GALNT6: variants seen among roughly 807,000 people sequenced by gnomAD.
GALNT6 encodes GalNAc transferase 6.
A neutral mutation model predicts 65.9 loss-of-function variants in GALNT6; 51 were observed. The ratio of observed to expected loss-of-function variants is 0.77; its 90% CI spans 0.62 to 0.98. GALNT6 has a LOEUF of 0.98. Among genes scored for constraint, GALNT6 ranks in the 50% least tolerant of loss-of-function variants. GALNT6 has a pLI of 0.00. For missense variants in GALNT6, 708 were observed against 803.3 expected (o/e 0.88, Z 1.43); for synonymous variants, 323 against 315.1 (o/e 1.02, Z -0.26).
intron 4 of GALNT6, among the ~76,000 whole-genome samples, chr12:51,373,353 A>G (rs1325455947): frequency 6.6e-6 from 1 of 152,206 alleles, no homozygotes; most frequent in Non-Finnish European, 1.5e-5. Flanking sequence ...AGTTTCCACC[A>G]TGCTATCCTT....
rs12316391 is a variant in GALNT6 at position 51,388,286 on chromosome 12, G to T, written c.-104+2564C>A. ...GCTGCCTGCCAGCCTCCTTTGCCTC[G>T]GGCCCCTCTCTCTCTTTCACAATCA... is the stretch of plus-strand genomic sequence containing the variant. On this transcript the variant is annotated intron_variant, in intron 2 of 11. Transcript: ENST00000356317. Among the ~76,000 whole-genome samples the T allele has an allele frequency of 6.6e-5, 10 of 152,076 alleles. No homozygotes were observed. The South Asian group carries it at 1.2e-3, about 19-fold the overall frequency.
intron 4 of GALNT6, among the ~76,000 whole-genome samples, chr12:51,369,321 G>A (rs1592331536): frequency 6.6e-6 from 1 of 152,164 alleles, no homozygotes; most frequent in South Asian, 2.1e-4. Context: ...GCCCTTCTGG[G>A]GAGACAACTC....
chr12:51,376,543 G>A (rs58571661), intron 4 of GALNT6, among the ~76,000 whole-genome samples: 3,806 of 148,850 alleles, frequency 0.026, 165 homozygotes, highest in African/African-American at 0.09. Flanking sequence ...TGAGGCAGGA[G>A]AATCGCTTGA....
chr12:51,375,750 G>T (rs1193927136), intron 4 of GALNT6, among the ~76,000 whole-genome samples: 1 of 151,898 alleles, frequency 6.6e-6, no homozygotes, highest in Non-Finnish European at 1.5e-5. Context: ...TAGATACGGG[G>T]TTTCACCATA....
intron 5 of GALNT6, among the ~76,000 whole-genome samples, chr12:51,364,728 C>T (rs7970638): frequency 0.21 from 32,169 of 152,210 alleles, 3,710 homozygotes; most frequent in East Asian, 0.47. Context: ...CAGGGGCATC[C>T]GCATGTCAAG....
chr12:51,389,724 C>G (rs549827137), intron 2 of GALNT6, among the ~76,000 whole-genome samples: 1 of 152,166 alleles, frequency 6.6e-6, no homozygotes, highest in Non-Finnish European at 1.5e-5. Context: ...GAGGTCTGTT[C>G]GAGGCAATGG....
intron 4 of GALNT6, among the ~76,000 whole-genome samples, chr12:51,371,054 A>AATTTATTATT (rs1555178908): frequency 0.042 from 6,054 of 144,430 alleles, 168 homozygotes; most frequent in East Asian, 0.054. Flanking sequence ...CCTTTTAAAA[A>AATTTATTATT]ATTATTATTA....
At chr12:51,386,538 T>C (rs1473728965) in intron 2 of GALNT6, among the ~76,000 whole-genome samples, 1 of 152,206 alleles carries the variant, frequency 6.6e-6, no homozygotes, top group Non-Finnish European at 1.5e-5. Flanking sequence ...TGTTTCTTTC[T>C]ATTTATCAGG....
chr12:51,379,146 G>T, intron 3 of GALNT6, 145 bp downstream of exon 3: 1 of 790,084 alleles, frequency 1.3e-6, no homozygotes, highest in Non-Finnish European at 1.9e-6. Context: ...TTCTGGGAAA[G>T]AAGTGAGGCA....
In GALNT6 at chr12:51,357,277, A is replaced by G. The variant is rs987523257; in HGVS notation, c.1602+72T>C. The G allele has an allele frequency of 2.4e-5, 23 of 976,130 alleles. No homozygotes were observed. The Admixed American group carries it at 4.0e-4, about 17-fold the overall frequency. The allele number at this position is 976,130 out of a possible 1,614,324, so 60.5% of individuals were successfully genotyped here. A position where few individuals can be genotyped will look rare whatever the true frequency, so the allele number is the denominator to read the frequency against. On this transcript the variant is annotated intron_variant, in intron 10 of 11. Coordinates refer to ENST00000356317, the MANE Select transcript of GALNT6 (RefSeq NM_007210.4). Reference sequence around the variant, plus strand: ...ATCTCCTCCCTCCCAGTCCTCAGGAAAGGACTCTTTAGGGTAGAGAAAAGG... The same window carrying G: ...ATCTCCTCCCTCCCAGTCCTCAGGAGAGGACTCTTTAGGGTAGAGAAAAGG...
chr12:51,366,365 G>A (rs372712363), intron 4 of GALNT6, among the ~76,000 whole-genome samples: 5 of 152,202 alleles, frequency 3.3e-5, no homozygotes, highest in Non-Finnish European at 7.3e-5. Flanking sequence ...GGCTCTTCAC[G>A]GTAACGTCGA....
rs923094612 is a variant in GALNT6, at chr12:51,351,928, T to G, written c.*2451A>C. ...CACTGAGACCTCTCATCCAATTCTCTTCTTTCCGGGAACTTTTTCCCTTCC... is the reference window on the plus strand; with the variant it reads ...CACTGAGACCTCTCATCCAATTCTCGTCTTTCCGGGAACTTTTTCCCTTCC... On this transcript the variant is annotated 3_prime_UTR_variant, in exon 12 of 12. Coordinates refer to ENST00000356317, the MANE Select transcript of GALNT6 (RefSeq NM_007210.4). 6.6e-6 allele frequency: 1 copy of G among 152,200 alleles called. No individual in the cohort carries two copies. The highest frequency in any genetic ancestry group is 1.9e-4 in the East Asian group (1 of 5,182). 9.4% of individuals were successfully genotyped at this position (152,200 alleles called of 1,614,324 possible).
In GALNT6 at chr12:51,353,471, G is replaced by C. The variant is rs1946663974; in HGVS notation, c.*908C>G. On this transcript the variant is annotated 3_prime_UTR_variant, in exon 12 of 12. Transcript: ENST00000356317. ...TGCAACCTCTGCCTCCTGGGTTCGA[G>C]TGATTCTCCTGCCTCAGCCTCCCAA... is the stretch of plus-strand genomic sequence containing the variant. 6.6e-6 allele frequency: 1 copy of C among 151,672 alleles called. No individual in the cohort carries two copies. The highest frequency in any genetic ancestry group is 6.6e-5 in the Admixed American group (1 of 15,180). 9.4% of individuals were successfully genotyped at this position (151,672 alleles called of 1,614,324 possible).
chr12:51,389,394 T>G (rs754911443), intron 2 of GALNT6, among the ~76,000 whole-genome samples: 5 of 151,910 alleles, frequency 3.3e-5, no homozygotes, highest in Non-Finnish European at 7.4e-5. Flanking sequence ...CACAGGGAGG[T>G]CAAGTAACTT....
intron 10 of GALNT6, 150 bp downstream of exon 10, chr12:51,357,199 G>C (rs1946774026): frequency 1.7e-6 from 1 of 597,146 alleles, no homozygotes; most frequent in South Asian, 2.0e-5. Flanking sequence ...TTCAGACCTT[G>C]TGTGTGTTAT....
chr12:51,376,356 G>A (rs1024725330), intron 4 of GALNT6, among the ~76,000 whole-genome samples: 1 of 151,954 alleles, frequency 6.6e-6, no homozygotes, highest in Non-Finnish European at 1.5e-5. Flanking sequence ...GCTTCTGGCC[G>A]GGCACGGTGG....
chr12:51,383,708 C>A (rs1947742942), intron 2 of GALNT6: 1 of 152,212 alleles, frequency 6.6e-6, no homozygotes, highest in South Asian at 2.1e-4. Context: ...ACATCCTGAA[C>A]CGAAATGAGA....
rs1189126373 is a variant in GALNT6, at chr12:51,360,754, G to T, written c.1134C>A (p.Ile378=). 6.2e-7 allele frequency: 1 copy of T among 1,612,294 alleles called. No homozygotes were observed. Among genetic ancestry groups the T allele is most frequent in the Non-Finnish European group, 8.5e-7 (1 of 1,178,496 alleles). ...HIGTYDNQME[I]WGGENVEMSF... ...ACATTTCCACGTTCTCCCCTCCCCA[G>T]ATCTCCATCTGATTATCATAGGTAC... The change falls in exon 7 of 12, where the codon ATC becomes ATA. Residue 378 remains isoleucine (I), a synonymous_variant. Coordinates refer to ENST00000356317, the MANE Select transcript of GALNT6 (RefSeq NM_007210.4).
intron 2 of GALNT6, among the ~76,000 whole-genome samples, chr12:51,383,905 G>A (rs1160541140): frequency 1.3e-5 from 2 of 152,062 alleles, no homozygotes; most frequent in African/African-American, 4.8e-5. Flanking sequence ...GGTCGTGGAG[G>A]TCGCCCCTCC....
Sources: allele counts gnomAD v4.1 joint callset (sites outside exome capture counted in the v4.1 genomes callset), GRCh38; gene constraint gnomAD v4.1.1; transcripts MANE v1.5; gene names NCBI Gene and HGNC (gene_info 2026-07-23, HGNC 2026-07-21).